CRTC2: variants seen among roughly 807,000 people sequenced by gnomAD.
CRTC2 encodes the protein CREB-regulated transcription coactivator 2.
In CRTC2, 25 loss-of-function variants were observed where a neutral mutation model predicts 70.9. The ratio of observed to expected loss-of-function variants is 0.35; its 90% CI spans 0.26 to 0.49. The LOEUF (loss-of-function observed/expected upper bound fraction) is 0.49, where lower values mean the gene tolerates loss of function less well. Ranked by LOEUF, CRTC2 falls within the 20% of genes least tolerant of loss-of-function variation. The probability of loss-of-function intolerance (pLI) is 0.98; values close to 1 mark genes in which losing one functional copy is unlikely to be tolerated. For missense variants in CRTC2, 737 were observed against 882.6 expected (o/e 0.83, Z 2.09); for synonymous variants, 330 against 364.1 (o/e 0.91, Z 1.07).
At chr1:153,950,682 C>T (rs1487955817) in intron 11 of CRTC2, among the ~76,000 whole-genome samples, 1 of 152,210 alleles carries the variant, frequency 6.6e-6, no homozygotes, top group African/African-American at 2.4e-5. Flanking sequence ...TTGGAAAAGT[C>T]ACTTTCCCTC....
Position 153,948,464 on chromosome 1 carries a change from GGAT to G in CRTC2, c.1852_1854del (p.Ile618del). The G allele has an allele frequency of 6.2e-7, 1 of 1,606,098 alleles. No homozygotes were observed. The highest frequency in any genetic ancestry group is 1.1e-5 in the South Asian group (1 of 90,088). ...ACCACCCACCCCCATTCACCTGTGA[GGAT>G]GATGTTAGGCCCTGAGCCATGGCGG... is the stretch of plus-strand genomic sequence containing the variant. On this transcript the variant is annotated inframe_deletion, in exon 13 of 14. Coordinates refer to ENST00000368633, the MANE Select transcript of CRTC2 (RefSeq NM_181715.3).
chr1:153,948,737 C>T lies in CRTC2; in HGVS notation c.1675-93G>A, dbSNP rs1680159697. On this transcript the variant is annotated intron_variant, in intron 12 of 13. Transcript: ENST00000368633. ...CATATCCCCTTTGCCCAGCAACCTT[C>T]ATCCACCCCAGGAACAGAGGCAATG... 5 of 1,388,906 alleles carry T rather than the reference C, an allele frequency of 3.6e-6. No individual in the cohort carries two copies. The South Asian group carries it at 4.8e-5, about 13-fold the overall frequency. 86.0% of individuals were successfully genotyped at this position (1,388,906 alleles called of 1,614,324 possible).
In CRTC2 at chr1:153,958,510, T is replaced by TCCCTCCCTGCCA. The variant is rs753484755; in HGVS notation, c.-25_-14dup. ...CCGACGTCGCCATCTTCCTTCCCCG[T>TCCCTCCCTGCCA]CCCTCCCTGCCACCCTCCCAGTACC... On this transcript the variant is annotated 5_prime_UTR_variant, in exon 1 of 14. Coordinates refer to ENST00000368633, the MANE Select transcript of CRTC2 (RefSeq NM_181715.3). 1.9e-4 allele frequency: 312 copies of TCCCTCCCTGCCA among 1,602,090 alleles called. 2 individuals are homozygous for TCCCTCCCTGCCA. In the South Asian group the frequency reaches 3.3e-3, roughly 17 times the overall value.
chr1:153,948,689 G>C, intron 12 of CRTC2, 45 bp from the exon 13 acceptor site: 1 of 1,561,438 alleles, frequency 6.4e-7, no homozygotes, highest in Non-Finnish European at 8.7e-7. Flanking sequence ...ATTTAGAACT[G>C]GTGTCCTGCC....
intron 6 of CRTC2, 121 bp from the exon 7 acceptor site, chr1:153,952,955 A>C (rs1265869064): frequency 8.2e-7 from 1 of 1,216,076 alleles, no homozygotes; most frequent in Non-Finnish European, 1.2e-6. Context: ...AGGCCGAGGC[A>C]GGTGGATCAC....
chr1:153,955,505 TG>T (rs1335802692), intron 1 of CRTC2, among the ~76,000 whole-genome samples: 1 of 142,606 alleles, frequency 7.0e-6, no homozygotes, highest in Non-Finnish European at 1.5e-5. Context: ...AGGTGGAGGT[TG>T]CAGTAAGCCG....
chr1:153,948,963 C>T, intron 12 of CRTC2, 152 bp downstream of exon 12: 1 of 851,132 alleles, frequency 1.2e-6, no homozygotes, highest in Non-Finnish European at 1.9e-6. Flanking sequence ...CCCAAGCTGG[C>T]AGTGCTATGT....
At chr1:153,957,524 G>T (rs1325605064) in intron 1 of CRTC2, among the ~76,000 whole-genome samples, 1 of 152,150 alleles carries the variant, frequency 6.6e-6, no homozygotes, top group Admixed American at 6.5e-5. Flanking sequence ...GGCTTCAGAG[G>T]CAGCCTGGCA....
chr1:153,958,334 C>CG lies in CRTC2; in HGVS notation c.153+10dup. 6.2e-7 allele frequency: 1 copy of CG among 1,610,412 alleles called. No individual in the cohort carries two copies. Among genetic ancestry groups the CG allele is most frequent in the African/African-American group, 1.3e-5 (1 of 74,996 alleles). Reference sequence around the variant, plus strand: ...TCAGCTCTGCTCCGGCTCCCCGGCGCGGCCCCTCACCCGGGTGGAGCCGAT... The same window carrying CG: ...TCAGCTCTGCTCCGGCTCCCCGGCGCGGGCCCCTCACCCGGGTGGAGCCGAT... On this transcript the variant is annotated intron_variant, in intron 1 of 13. Transcript: ENST00000368633.
chr1:153,958,575 G>T lies in CRTC2; in HGVS notation c.-78C>A. On this transcript the variant is annotated 5_prime_UTR_variant, in exon 1 of 14. It adds an upstream start codon to the 5' untranslated region. Transcript: ENST00000368633. The stretch of plus-strand genomic sequence containing the variant: ...CCGCGGCCTCGGCCCGGCTCCTCCA[G>T]CCGTAGCCACCGCCGCCTCAGCGAG... 1 of 1,405,386 alleles carries T rather than the reference G, an allele frequency of 7.1e-7. No homozygotes were observed. Among genetic ancestry groups the T allele is most frequent in the Non-Finnish European group, 9.5e-7 (1 of 1,052,570 alleles). 87.1% of individuals were successfully genotyped at this position (1,405,386 alleles called of 1,614,324 possible). A position where few individuals can be genotyped will look rare whatever the true frequency, so the allele number is the denominator to read the frequency against.
Position 153,952,198 on chromosome 1 carries a change from C to G in CRTC2, c.817G>C (p.Gly273Arg), listed in dbSNP as rs748803458. The G allele has an allele frequency of 6.2e-7, 1 of 1,613,286 alleles. No individual in the cohort carries two copies. Among genetic ancestry groups the G allele is most frequent in the Non-Finnish European group, 8.5e-7 (1 of 1,179,576 alleles). ...PVLPPAMNTG[G>R]SLPDLTNLHF... ...AGGTTGGTGAGGTCAGGTAGGGAGC[C>G]CCCCGTGTTCATGGCAGGTGGGAGG... is the stretch of plus-strand genomic sequence containing the variant. The change falls in exon 10 of 14, where the codon GGC becomes CGC. Residue 273 changes from glycine (G) to arginine (R), a missense_variant. Around this residue, in one of 3 missense-constraint regions of CRTC2, gnomAD observed 699 missense variants for 823.7 expected, o/e 0.85. Coordinates refer to ENST00000368633, the MANE Select transcript of CRTC2 (RefSeq NM_181715.3).
chr1:153,951,528 C>A lies in CRTC2; in HGVS notation c.1136G>T (p.Arg379Leu), dbSNP rs143226168. 8 of 1,604,324 alleles carry A rather than the reference C, an allele frequency of 5.0e-6. No individual in the cohort carries two copies. The highest frequency in any genetic ancestry group is 2.6e-6 in the Non-Finnish European group (3 of 1,175,426). Residue 379 changes from arginine to leucine, a missense_variant, in exon 11 of 14, where the codon CGC becomes CTC. This residue lies in a region of CRTC2 where 699 missense variants were observed against 823.7 expected (regional missense o/e 0.85). Transcript: ENST00000368633. ...CAGGGAGGTGGTGGGCAGTACATGG[C>A]GGGCCAAGGAGGAGGCAGGCAGAGA... ...HPSLPASSLARHVLPTTSLGH... is the reference protein window; with the variant it reads ...HPSLPASSLALHVLPTTSLGH...
Position 153,950,082 on chromosome 1 carries a change from G to A in CRTC2, c.1405-698C>T, listed in dbSNP as rs994558180. 5.3e-5 allele frequency among the ~76,000 whole-genome samples: 8 copies of A among 152,124 alleles called. No individual in the cohort carries two copies. In the East Asian group the frequency reaches 9.6e-4, roughly 18 times the overall value. On this transcript the variant is annotated intron_variant, in intron 11 of 13. Transcript: ENST00000368633. ...CCAGTAGCCAGGACTACAAGCGTGC[G>A]CGACTGCACCTGGGTAATTTTTTAT...
At chr1:153,948,853 G>A in intron 12 of CRTC2, 1 of 746,908 alleles carries the variant, frequency 1.3e-6, no homozygotes, top group Admixed American at 2.0e-5. Context: ...CAGAGCATGT[G>A]CATGCCAGGA....
chr1:153,947,959 C>G lies in CRTC2; in HGVS notation c.*150G>C, dbSNP rs1030476295. On this transcript the variant is annotated 3_prime_UTR_variant, in exon 14 of 14. Transcript: ENST00000368633. ...GAATTCAGGGGCCACCTGGACAAAC[C>G]CCTTGCTTTTTCTCATTCTTGGCAT... 4 of 829,148 alleles carry G rather than the reference C, an allele frequency of 4.8e-6. No individual in the cohort carries two copies. In the African/African-American group the frequency reaches 6.8e-5, roughly 14 times the overall value. 51.4% of individuals were successfully genotyped at this position (829,148 alleles called of 1,614,324 possible).
At position 153,953,279 on chromosome 1, in the gene CRTC2, G is replaced by T; in HGVS notation, c.594C>A (p.Pro198=). The T allele has an allele frequency of 6.3e-7, 1 of 1,587,764 alleles. No individual in the cohort carries two copies. The highest frequency in any genetic ancestry group is 1.1e-5 in the South Asian group (1 of 87,394). ...AGGGCCACTTACCCCCACGTCGGCTGGGCAGGATGCTGGGAGGTGTGGGGC... is the reference window on the plus strand; with the variant it reads ...AGGGCCACTTACCCCCACGTCGGCTTGGCAGGATGCTGGGAGGTGTGGGGC... ...YPGPTPPSIL[P]SRRGGILDGE... is the part of the protein sequence containing the mutation. The change falls in exon 6 of 14, where the codon CCC becomes CCA. Residue 198 remains proline (P), a synonymous_variant. Transcript: ENST00000368633.
In CRTC2 at chr1:153,958,463, G is replaced by A. The variant is rs1680761336; in HGVS notation, c.35C>T (p.Ala12Val). The change falls in exon 1 of 14, where the codon GCC (alanine) becomes GTC (valine). Residue 12 changes from alanine to valine, a missense_variant. By Grantham distance (64) the Ala-to-Val change is moderately conservative. Around this residue, in one of 3 missense-constraint regions of CRTC2, gnomAD observed 29 missense variants for 25.5 expected, o/e 1.14. Coordinates refer to ENST00000368633, the MANE Select transcript of CRTC2 (RefSeq NM_181715.3). ...ATSGANGPGS[A>V]TASASNPRKF... ...GCGCGGATTGGAAGCCGAGGCCGTG[G>A]CCGAACCAGGCCCGTTCGCCCCCGA... 6.2e-7 allele frequency: 1 copy of A among 1,612,318 alleles called. No individual in the cohort carries two copies. The highest frequency in any genetic ancestry group is 8.5e-7 in the Non-Finnish European group (1 of 1,179,010).
chr1:153,950,319 G>A (rs1680255747), intron 11 of CRTC2, among the ~76,000 whole-genome samples: 2 of 152,280 alleles, frequency 1.3e-5, no homozygotes, highest in East Asian at 3.9e-4. Flanking sequence ...AGGCCAGAGG[G>A]GGTGGGAAAA....
At chr1:153,949,440 T>C in intron 11 of CRTC2, 56 bp from the exon 12 acceptor site, 1 of 1,508,392 alleles carries the variant, frequency 6.6e-7, no homozygotes, top group East Asian at 2.3e-5. Flanking sequence ...CCAAGAACTC[T>C]CAGTCAGAGC....
Sources: gnomAD v4.1 joint callset for allele counts (sites outside exome capture counted in the v4.1 genomes callset) on GRCh38, gnomAD v4.1.1 for gene constraint, gnomAD v4.1.1 regional missense constraint, MANE v1.5 for transcripts, NCBI Gene and HGNC (gene_info 2026-07-23, HGNC 2026-07-21) for gene names.